The following LASP1 variants were observed in gnomAD, a reference collection of about 807,000 sequenced individuals.
LASP1 encodes the protein LIM and SH3 protein 1, also known as LIM and SH3 domain protein 1.
In LASP1, 10 loss-of-function variants were observed where a neutral mutation model predicts 38.6. That is an observed-to-expected ratio of 0.26 (90% CI 0.16 to 0.44). The LOEUF is 0.44. LASP1 is among the 20% of genes least tolerant of loss of function. The pLI is 1.00. For missense variants in LASP1, 243 were observed against 375.7 expected, an observed-to-expected ratio of 0.65 and a Z score of 2.92; for synonymous variants, 132 against 140.8, an observed-to-expected ratio of 0.94 and a Z score of 0.44.
chr17:38,902,477 G>GACT (rs201445248), intron 4 of LASP1, among the ~76,000 whole-genome samples: 1 of 150,254 alleles, frequency 6.7e-6, no homozygotes, highest in African/African-American at 2.5e-5. Flanking sequence ...AAAGTTCTGG[G>GACT]ACTACTACAG....
intron 1 of LASP1, among the ~76,000 whole-genome samples, chr17:38,875,200 T>C (rs1348632936): frequency 6.6e-6 from 1 of 151,958 alleles, no homozygotes; most frequent in East Asian, 1.9e-4. Flanking sequence ...CCTGTGCAGC[T>C]AAGTAGGCAG....
chr17:38,908,827 C>T (rs1914844756), intron 4 of LASP1, among the ~76,000 whole-genome samples: 1 of 152,224 alleles, frequency 6.6e-6, no homozygotes, highest in African/African-American at 2.4e-5. Context: ...CCTGCCTGGC[C>T]ACGTGCTTGC....
intron 3 of LASP1, among the ~76,000 whole-genome samples, chr17:38,893,445 T>C (rs1319627947): frequency 2.6e-5 from 4 of 152,042 alleles, no homozygotes; most frequent in African/African-American, 9.7e-5. Context: ...TGGGCAGGAG[T>C]GTACCGACCC....
chr17:38,909,236 A>G (rs1914859103), intron 4 of LASP1, among the ~76,000 whole-genome samples: 1 of 152,002 alleles, frequency 6.6e-6, no homozygotes, highest in Non-Finnish European at 1.5e-5. Flanking sequence ...TTCCTCCCCC[A>G]TCCTCATGGA....
At chr17:38,880,611 A>G (rs1913918497) in intron 2 of LASP1, among the ~76,000 whole-genome samples, 1 of 152,082 alleles carries the variant, frequency 6.6e-6, no homozygotes, top group Non-Finnish European at 1.5e-5. Context: ...AGTGAGAGAG[A>G]CCTGGGGGCT....
At position 38,920,129 on chromosome 17, in the gene LASP1, G is replaced by A; in HGVS notation, c.*1351G>A. The stretch of plus-strand genomic sequence containing the variant: ...GCAGTGTGCAGGGTGGAAGGTAAGA[G>A]GTTGGTGTGGAGTTGGGGCTGCCAT... On this transcript the variant is annotated 3_prime_UTR_variant, in exon 7 of 7. Transcript: ENST00000318008. 1.9e-5 allele frequency: 10 copies of A among 536,618 alleles called. No homozygotes were observed. The highest frequency in any genetic ancestry group is 1.4e-4 in the South Asian group (9 of 65,260). 33.2% of individuals were successfully genotyped at this position (536,618 alleles called of 1,614,324 possible).
At chr17:38,910,464 C>T (rs186111515) in intron 4 of LASP1, among the ~76,000 whole-genome samples, 106 of 152,078 alleles carry the variant, frequency 7.0e-4, no homozygotes, top group Non-Finnish European at 1.3e-3. Flanking sequence ...CCCCCTCCAC[C>T]GCCCCCTGCC....
intron 6 of LASP1, chr17:38,915,466 C>G (rs1235530244): frequency 4.6e-6 from 1 of 217,176 alleles, no homozygotes; most frequent in Non-Finnish European, 9.3e-6. Context: ...GCGCTGCTCT[C>G]CTCGCTTCAT....
rs1429894925 is a variant in LASP1 at position 38,920,779 on chromosome 17, G to A, written c.*2001G>A. 3 of 233,094 alleles carry A rather than the reference G, an allele frequency of 1.3e-5. No homozygotes were observed. Among genetic ancestry groups the A allele is most frequent in the African/African-American group, 4.4e-5 (2 of 45,304 alleles). 14.4% of individuals were successfully genotyped at this position (233,094 alleles called of 1,614,324 possible). On this transcript the variant is annotated 3_prime_UTR_variant, in exon 7 of 7. Coordinates refer to ENST00000318008, the MANE Select transcript of LASP1 (RefSeq NM_006148.4). ...GCAAGTGGAATATCTTATATTGGGC[G>A]ATTTGGGGGCTCGGGGAGGCAGAGA...
chr17:38,879,160 G>GTTTT (rs1913867081), intron 2 of LASP1, among the ~76,000 whole-genome samples: 3 of 67,868 alleles, frequency 4.4e-5, no homozygotes, highest in Non-Finnish European at 8.5e-5. Context: ...CTTTTAATTT[G>GTTTT]CTTTTTTTTT....
intron 2 of LASP1, among the ~76,000 whole-genome samples, chr17:38,884,835 C>T (rs991260722): frequency 2.0e-5 from 3 of 151,652 alleles, no homozygotes; most frequent in African/African-American, 2.4e-5. Context: ...GGACTACAGG[C>T]GTGTGTCACC....
At chr17:38,889,297 AT>A (rs1395961813) in intron 2 of LASP1, among the ~76,000 whole-genome samples, 3 of 152,066 alleles carry the variant, frequency 2.0e-5, no homozygotes, top group Non-Finnish European at 2.9e-5. Flanking sequence ...CACCCGGCTA[AT>A]TTTTGTATTT....
chr17:38,907,552 G>A (rs1182729534), intron 4 of LASP1, among the ~76,000 whole-genome samples: 2 of 152,162 alleles, frequency 1.3e-5, no homozygotes, highest in Non-Finnish European at 2.9e-5. Context: ...TCTGGAAGAT[G>A]GGAATGAAAG....
chr17:38,870,351 C>T lies in LASP1; in HGVS notation c.69+93C>T, dbSNP rs1913563072. On this transcript the variant is annotated intron_variant, in intron 1 of 6. Transcript: ENST00000318008. Reference sequence around the variant, plus strand: ...AGGGCCGGGTCTTTGCCGCCTTATCCCCGCGATCCCAGGAGAATGGAGGGA... The same window carrying T: ...AGGGCCGGGTCTTTGCCGCCTTATCTCCGCGATCCCAGGAGAATGGAGGGA... The T allele has an allele frequency of 4.3e-6, 6 of 1,391,538 alleles. No homozygotes were observed. In the Admixed American group the frequency reaches 9.5e-5, roughly 22 times the overall value. The allele number at this position is 1,391,538 out of a possible 1,614,324, so 86.2% of individuals were successfully genotyped here.
intron 4 of LASP1, among the ~76,000 whole-genome samples, chr17:38,900,372 C>G (rs1444037139): frequency 1.8e-5 from 1 of 54,772 alleles, no homozygotes; most frequent in Admixed American, 1.6e-4. Flanking sequence ...CGAGTGAGAC[C>G]CTGTTTCCAA....
chr17:38,911,176 A>G (rs1914929252), intron 4 of LASP1, among the ~76,000 whole-genome samples: 1 of 152,046 alleles, frequency 6.6e-6, no homozygotes, highest in Non-Finnish European at 1.5e-5. Context: ...GCTTCCATCC[A>G]GTGGGGGTGG....
At chr17:38,880,666 C>T (rs1422286308) in intron 2 of LASP1, among the ~76,000 whole-genome samples, 10 of 152,200 alleles carry the variant, frequency 6.6e-5, no homozygotes, top group Non-Finnish European at 1.3e-4. Flanking sequence ...AGCACCTCCT[C>T]GCCCAAGGCA....
chr17:38,885,651 C>T (rs1236915004), intron 2 of LASP1, among the ~76,000 whole-genome samples: 1 of 152,232 alleles, frequency 6.6e-6, no homozygotes, highest in East Asian at 1.9e-4. Context: ...TCACCTGTCC[C>T]TCATTCCTCG....
In LASP1 at chr17:38,878,179, G is replaced by T. The variant is rs779939948; in HGVS notation, c.163G>T (p.Ala55Ser). 18 of 1,610,840 alleles carry T rather than the reference G, an allele frequency of 1.1e-5. No individual in the cohort carries two copies. The highest frequency in any genetic ancestry group is 1.5e-5 in the Non-Finnish European group (18 of 1,177,300). Residue 55 changes from alanine (A) to serine (S), a missense_variant and splice_region_variant, in exon 2 of 7, where the codon GCA (alanine) becomes TCA (serine). Ala to Ser is a moderately conservative substitution (Grantham distance 99, BLOSUM62 1). This residue lies in a region of LASP1 where 43 missense variants were observed against 108.3 expected (regional missense o/e 0.40). Transcript: ENST00000318008. ...KGYEKKPYCNAHYPKQSFTMV... is the reference protein window; with the variant it reads ...KGYEKKPYCNSHYPKQSFTMV... ...CTACGAGAAGAAGCCCTACTGCAAC[G>T]CGTGAGTCCTGTTCTGGGCAGGGGG...
Sources: gnomAD v4.1 joint callset for allele counts (sites outside exome capture counted in the v4.1 genomes callset) on GRCh38, gnomAD v4.1.1 for gene constraint, gnomAD v4.1.1 regional missense constraint, MANE v1.5 for transcripts, NCBI Gene and HGNC (gene_info 2026-07-23, HGNC 2026-07-21) for gene names.